The following TMEM132D variants were observed in gnomAD, a reference collection of about 807,000 sequenced individuals.
TMEM132D encodes the protein mature OL transmembrane protein.
Under a neutral mutation model 62.3 loss-of-function variants are expected in TMEM132D, and 21 were observed. That is an observed-to-expected ratio of 0.34 (90% CI 0.24 to 0.49). The LOEUF is 0.49. Ranked by LOEUF, TMEM132D falls within the 20% of genes least tolerant of loss-of-function variation. TMEM132D has a pLI of 0.99. For synonymous variants in TMEM132D, 621 were observed against 575.6 expected, an observed-to-expected ratio of 1.08 and a Z score of -1.13; for missense variants, 1,346 against 1,402.8, an observed-to-expected ratio of 0.96 and a Z score of 0.65.
intron 2 of TMEM132D, among the ~76,000 whole-genome samples, chr12:129,675,838 G>T (rs1880615387): frequency 6.6e-6 from 1 of 152,186 alleles, no homozygotes; most frequent in Non-Finnish European, 1.5e-5. Flanking sequence ...AGGTTGAGAA[G>T]CCCTGTGCTG....
chr12:129,887,217 A>G (rs1191243059), intron 1 of TMEM132D, among the ~76,000 whole-genome samples: 2 of 152,178 alleles, frequency 1.3e-5, no homozygotes, highest in African/African-American at 4.8e-5. Flanking sequence ...GAGCCTGTGC[A>G]GACCGCCCGC....
intron 1 of TMEM132D, among the ~76,000 whole-genome samples, chr12:129,833,085 G>A (rs775515371): frequency 6.6e-6 from 1 of 152,196 alleles, no homozygotes; most frequent in Non-Finnish European, 1.5e-5. Flanking sequence ...GCTCGTGCCT[G>A]AGTGCAGGCT....
intron 5 of TMEM132D, among the ~76,000 whole-genome samples, chr12:129,091,617 C>T (rs943500964): frequency 6.6e-6 from 1 of 151,990 alleles, no homozygotes; most frequent in Non-Finnish European, 1.5e-5. Context: ...CCTATCCTCA[C>T]TTGGGCTCTG....
chr12:129,139,129 G>A (rs1292133357), intron 5 of TMEM132D, among the ~76,000 whole-genome samples: 1 of 152,204 alleles, frequency 6.6e-6, no homozygotes, highest in African/African-American at 2.4e-5. Context: ...GGAAAACAGA[G>A]AGGGGAGAAA....
intron 1 of TMEM132D, among the ~76,000 whole-genome samples, chr12:129,826,649 G>A (rs938080777): frequency 1.3e-5 from 2 of 152,174 alleles, no homozygotes; most frequent in Non-Finnish European, 2.9e-5. Context: ...GCCCCACAGC[G>A]GAAGGCTATT....
chr12:129,589,127 T>C (rs755531729), intron 2 of TMEM132D, among the ~76,000 whole-genome samples: 1 of 152,136 alleles, frequency 6.6e-6, no homozygotes, highest in Non-Finnish European at 1.5e-5. Context: ...TCATCTTGAA[T>C]TGTAGCTCCC....
intron 3 of TMEM132D, among the ~76,000 whole-genome samples, chr12:129,345,178 T>C (rs1869641511): frequency 6.6e-6 from 1 of 152,176 alleles, no homozygotes; most frequent in African/African-American, 2.4e-5. Context: ...AAAGTCCATG[T>C]TGTGGTTTAT....
At chr12:129,631,451 G>A (rs1414438949) in intron 2 of TMEM132D, among the ~76,000 whole-genome samples, 1 of 152,132 alleles carries the variant, frequency 6.6e-6, no homozygotes, top group Non-Finnish European at 1.5e-5. Context: ...AAACAACAGA[G>A]GAAACGAATC....
chr12:129,420,961 C>T (rs867054276), intron 3 of TMEM132D, among the ~76,000 whole-genome samples: 1 of 139,486 alleles, frequency 7.2e-6, no homozygotes, highest in South Asian at 2.3e-4. Flanking sequence ...GGTAGATCTA[C>T]CTTTTTTTTT....
At chr12:129,141,112 G>T (rs1248643280) in intron 5 of TMEM132D, among the ~76,000 whole-genome samples, 1 of 152,072 alleles carries the variant, frequency 6.6e-6, no homozygotes. Flanking sequence ...ATAGAGAAGT[G>T]GAAAAAAGCT....
intron 2 of TMEM132D, among the ~76,000 whole-genome samples, chr12:129,595,434 G>A (rs1176406483): frequency 6.6e-6 from 1 of 152,204 alleles, no homozygotes; most frequent in Non-Finnish European, 1.5e-5. Flanking sequence ...GAGAGAAGAG[G>A]TGTCGTAGCT....
At chr12:129,595,108 T>C (rs1878299761) in intron 2 of TMEM132D, among the ~76,000 whole-genome samples, 1 of 152,206 alleles carries the variant, frequency 6.6e-6, no homozygotes, top group South Asian at 2.1e-4. Context: ...GATCTCCTCA[T>C]TAATTCTAGG....
intron 5 of TMEM132D, among the ~76,000 whole-genome samples, chr12:129,174,121 T>C (rs1360195532): frequency 6.6e-6 from 1 of 152,184 alleles, no homozygotes; most frequent in Non-Finnish European, 1.5e-5. Flanking sequence ...TTATTTTACC[T>C]TAAGTTGCAG....
chr12:129,454,219 G>T (rs1873389941), intron 3 of TMEM132D, among the ~76,000 whole-genome samples: 1 of 152,080 alleles, frequency 6.6e-6, no homozygotes, highest in African/African-American at 2.4e-5. Context: ...TCCAAGCATT[G>T]CTATTGAGAC....
At chr12:129,810,790 C>A (rs1339996858) in intron 1 of TMEM132D, among the ~76,000 whole-genome samples, 1 of 152,116 alleles carries the variant, frequency 6.6e-6, no homozygotes, top group East Asian at 1.9e-4. Context: ...AAAACATAAT[C>A]TTGAACAATG....
At chr12:129,762,576 A>G (rs1870417132) in intron 1 of TMEM132D, among the ~76,000 whole-genome samples, 1 of 152,004 alleles carries the variant, frequency 6.6e-6, no homozygotes, top group Non-Finnish European at 1.5e-5. Context: ...TGCCTTCATA[A>G]GCACGGAGGG....
rs1375811686 is a variant in TMEM132D at position 129,074,447 on chromosome 12, A to T, written c.2728T>A (p.Ser910Thr). ...ATTTCTAAGTCGCTCAGCCCTTTGG[A>T]TGCCTGCATAAGGTCATTCCCATCC... The part of the protein sequence containing the change: ...EMDGNDLMQA[S>T]KGLSDLEIGM... Residue 910 changes from serine to threonine, a missense_variant, in exon 9 of 9, where the codon TCC becomes ACC. Coordinates refer to ENST00000422113, the MANE Select transcript of TMEM132D (RefSeq NM_133448.3). 1 of 1,614,146 alleles carries T rather than the reference A, an allele frequency of 6.2e-7. No homozygotes were observed.
intron 5 of TMEM132D, among the ~76,000 whole-genome samples, chr12:129,176,222 A>G (rs1877901250): frequency 6.6e-6 from 1 of 152,228 alleles, no homozygotes. Context: ...GCCACCAGGT[A>G]TCTGCTCAGT....
chr12:129,744,888 T>C (rs926650778), intron 1 of TMEM132D, among the ~76,000 whole-genome samples: 1 of 152,204 alleles, frequency 6.6e-6, no homozygotes, highest in Admixed American at 6.5e-5. Context: ...CATCTTGAAT[T>C]ACAATCCCCA....
Sources: allele counts gnomAD v4.1 joint callset (sites outside exome capture counted in the v4.1 genomes callset), GRCh38; gene constraint gnomAD v4.1.1; transcripts MANE v1.5; gene names NCBI Gene and HGNC (gene_info 2026-07-23, HGNC 2026-07-21).